Variants in DTX4 observed in about 807,000 individuals in gnomAD.
DTX4 encodes E3 ubiquitin-protein ligase DTX4.
A neutral mutation model predicts 57.6 loss-of-function variants in DTX4; 28 were observed. The ratio of observed to expected loss-of-function variants is 0.49; its 90% CI spans 0.36 to 0.67. The LOEUF (loss-of-function observed/expected upper bound fraction) is 0.67. Ranked by LOEUF, DTX4 falls within the 30% of genes least tolerant of loss-of-function variation. The pLI is 0.00. For synonymous variants in DTX4, 316 were observed against 331.0 expected (o/e 0.95, Z 0.49); for missense variants, 715 against 836.8 (o/e 0.85, Z 1.80).
intron 1 of DTX4, among the ~76,000 whole-genome samples, chr11:59,175,355 G>T (rs916612777): frequency 4.6e-5 from 7 of 152,200 alleles, no homozygotes; most frequent in African/African-American, 1.7e-4. Flanking sequence ...CTTTTTAGAA[G>T]TTGCTTGCTC....
At chr11:59,193,351 C>G (rs1862623299) in intron 6 of DTX4, among the ~76,000 whole-genome samples, 1 of 151,884 alleles carries the variant, frequency 6.6e-6, no homozygotes, top group South Asian at 2.1e-4. Context: ...TAATTTTTTC[C>G]TTCATCTTCA....
chr11:59,179,575 C>G (rs1862436707), intron 1 of DTX4, among the ~76,000 whole-genome samples: 1 of 152,220 alleles, frequency 6.6e-6, no homozygotes, highest in African/African-American at 2.4e-5. Flanking sequence ...GTAGGGGCAC[C>G]ACCCCTGGGT....
intron 1 of DTX4, among the ~76,000 whole-genome samples, chr11:59,177,318 A>T (rs962468566): frequency 6.6e-6 from 1 of 152,118 alleles, no homozygotes; most frequent in Non-Finnish European, 1.5e-5. Flanking sequence ...ACCCCAGGAG[A>T]TTCTGACGGA....
At chr11:59,181,706 G>A in intron 1 of DTX4, 33 bp from the exon 2 acceptor site, 1 of 1,559,314 alleles carries the variant, frequency 6.4e-7, no homozygotes, top group Non-Finnish European at 8.7e-7. Flanking sequence ...ATTGCATGCT[G>A]ACTCTGACCT....
chr11:59,188,250 G>A lies in DTX4; in HGVS notation c.936-485G>A, dbSNP rs557909245. Among the ~76,000 whole-genome samples, 8 of 152,254 alleles carry A rather than the reference G, an allele frequency of 5.3e-5. 1 individual carries two copies. The South Asian group carries it at 1.5e-3, about 28-fold the overall frequency. ...TCCTAAGTAGAGCAGGAGTCCTGGC[G>A]TGGGATGGAGGGGTGGGTAGCAATA... On this transcript the variant is annotated intron_variant, in intron 2 of 8. Coordinates refer to ENST00000227451, the MANE Select transcript of DTX4 (RefSeq NM_015177.2).
chr11:59,197,685 C>T (rs370494859), intron 7 of DTX4, among the ~76,000 whole-genome samples: 8 of 151,950 alleles, frequency 5.3e-5, no homozygotes, highest in Non-Finnish European at 8.8e-5. Flanking sequence ...GAATGGGGCT[C>T]GAACAAGGGA....
intron 1 of DTX4, among the ~76,000 whole-genome samples, chr11:59,174,483 CAG>C (rs1491564074): frequency 4.0e-5 from 5 of 123,820 alleles, no homozygotes; most frequent in Admixed American, 9.1e-5. Context: ...AAGCATCTGA[CAG>C]GGGATTCCAG....
At chr11:59,179,039 T>C (rs1862428708) in intron 1 of DTX4, among the ~76,000 whole-genome samples, 1 of 150,078 alleles carries the variant, frequency 6.7e-6, no homozygotes, top group Non-Finnish European at 1.5e-5. Context: ...TTGATAACAG[T>C]ATTGTGTTTA....
Position 59,172,625 on chromosome 11 carries a change from G to A in DTX4, c.30G>A (p.Trp10Ter), listed in dbSNP as rs1267986711. ...TCCTGGCCTCGGCCGTGGTGGTCTG[G>A]GAATGGCTGAACGAGCACGGCCGCT... The part of the protein sequence containing the change: MLLASAVVV[W>*]EWLNEHGRWR... Residue 10 changes from tryptophan (W) to a stop codon, truncating the protein, a stop_gained, in exon 1 of 9, where the codon TGG becomes TGA. Transcript: ENST00000227451. LOFTEE classifies it high-confidence loss of function. 1 of 1,582,872 alleles carries A rather than the reference G, an allele frequency of 6.3e-7. No individual in the cohort carries two copies. Among genetic ancestry groups the A allele is most frequent in the South Asian group, 1.1e-5 (1 of 88,340 alleles).
chr11:59,196,841 T>C (rs997292759), intron 7 of DTX4, among the ~76,000 whole-genome samples: 22 of 152,204 alleles, frequency 1.4e-4, no homozygotes, highest in Non-Finnish European at 1.2e-4. Flanking sequence ...TCACTGATTC[T>C]TCATTATGGT....
At chr11:59,199,817 T>G in intron 8 of DTX4, 44 bp downstream of exon 8, 1 of 1,512,592 alleles carries the variant, frequency 6.6e-7, no homozygotes, top group African/African-American at 1.4e-5. Context: ...TTAGAATAGA[T>G]CGGGCAGTTT....
chr11:59,178,828 C>T (rs1343628271), intron 1 of DTX4, among the ~76,000 whole-genome samples: 1 of 152,092 alleles, frequency 6.6e-6, no homozygotes, highest in Admixed American at 6.6e-5. Context: ...CAAAAGAGGC[C>T]ATTTCAGTAG....
intron 6 of DTX4, among the ~76,000 whole-genome samples, chr11:59,193,827 G>C (rs1386668775): frequency 6.6e-6 from 1 of 152,210 alleles, no homozygotes; most frequent in Non-Finnish European, 1.5e-5. Context: ...ACGAGCTATT[G>C]CTTTAAGCGA....
At chr11:59,190,250 A>G (rs1408940649) in intron 4 of DTX4, among the ~76,000 whole-genome samples, 2 of 152,202 alleles carry the variant, frequency 1.3e-5, no homozygotes, top group Non-Finnish European at 1.5e-5. Context: ...CGGAAATAAC[A>G]GCATTTTACA....
chr11:59,189,390 C>T (rs1325516777), intron 4 of DTX4, 67 bp downstream of exon 4: 2 of 1,450,132 alleles, frequency 1.4e-6, no homozygotes, highest in Admixed American at 4.8e-5. Flanking sequence ...GAGTCTGCCT[C>T]AACCTCCAAG....
Position 59,172,769 on chromosome 11 carries a change from C to T in DTX4, c.174C>T (p.Ile58=). 1.9e-6 allele frequency: 3 copies of T among 1,598,090 alleles called. No individual in the cohort carries two copies. Among genetic ancestry groups the T allele is most frequent in the Non-Finnish European group, 2.6e-6 (3 of 1,173,644 alleles). ...QVDSRLAPYI[I]DLQSMNQFRQ... is the part of the protein sequence containing the mutation. ...ACAGCCGTCTCGCGCCCTACATCATCGACCTGCAGTCCATGAACCAGTTCC... is the reference window on the plus strand; with the variant it reads ...ACAGCCGTCTCGCGCCCTACATCATTGACCTGCAGTCCATGAACCAGTTCC... The change falls in exon 1 of 9, where the codon ATC becomes ATT. Residue 58 remains isoleucine (I), a synonymous_variant. Transcript: ENST00000227451.
chr11:59,183,795 A>C (rs1016982122), intron 2 of DTX4, among the ~76,000 whole-genome samples: 1 of 152,216 alleles, frequency 6.6e-6, no homozygotes, highest in African/African-American at 2.4e-5. Flanking sequence ...GAGCCACAGA[A>C]TCTTTGCAAG....
chr11:59,183,665 C>T (rs559359281), intron 2 of DTX4, among the ~76,000 whole-genome samples: 6 of 152,264 alleles, frequency 3.9e-5, no homozygotes, highest in African/African-American at 1.4e-4. Context: ...CAGCTGGGTC[C>T]CTGCACACAG....
At chr11:59,203,920 C>T (rs572674832) in intron 8 of DTX4, among the ~76,000 whole-genome samples, 9 of 152,326 alleles carry the variant, frequency 5.9e-5, no homozygotes, top group African/African-American at 1.9e-4. Flanking sequence ...GGTTTCCTCT[C>T]CTCCAGCCCA....
Sources: allele counts gnomAD v4.1 joint callset (sites outside exome capture counted in the v4.1 genomes callset), GRCh38; gene constraint gnomAD v4.1.1; transcripts MANE v1.5; gene names NCBI Gene and HGNC (gene_info 2026-07-23, HGNC 2026-07-21).